Variants in CAB39L observed in about 807,000 individuals in gnomAD.
CAB39L encodes the protein calcium-binding protein 39-like.
Under a neutral mutation model 39.1 loss-of-function variants are expected in CAB39L, and 23 were observed. The observed-to-expected ratio is 0.59, with a 90% CI of 0.42 to 0.83. The LOEUF (loss-of-function observed/expected upper bound fraction) is 0.83. Among genes scored for constraint, CAB39L ranks in the 40% least tolerant of loss-of-function variants. CAB39L has a pLI of 0.00. For synonymous variants in CAB39L, 126 were observed against 137.2 expected (o/e 0.92, Z 0.57); for missense variants, 366 against 391.9 (o/e 0.93, Z 0.56).
chr13:49,351,163 T>G, intron 6 of CAB39L: 2 of 284,792 alleles, frequency 7.0e-6, no homozygotes, highest in Non-Finnish European at 1.3e-5. Flanking sequence ...GGTGGGGGGA[T>G]GAGGCAGAAT....
At chr13:49,416,057 A>G (rs1026578572) in intron 3 of CAB39L, among the ~76,000 whole-genome samples, 2 of 152,168 alleles carry the variant, frequency 1.3e-5, no homozygotes, top group Non-Finnish European at 2.9e-5. Flanking sequence ...TTACTCTGAC[A>G]TGTTCAACTT....
chr13:49,333,566 TTC>T (rs1474934596), intron 9 of CAB39L, among the ~76,000 whole-genome samples: 14 of 136,216 alleles, frequency 1.0e-4, no homozygotes, highest in Non-Finnish European at 3.2e-5. Flanking sequence ...CTTTCTTTCT[TTC>T]TTTTTTTTTT....
chr13:49,315,682 T>C (rs1954135836), intron 10 of CAB39L, among the ~76,000 whole-genome samples: 1 of 151,714 alleles, frequency 6.6e-6, no homozygotes, highest in Non-Finnish European at 1.5e-5. Flanking sequence ...GTCAGGAGTT[T>C]GAGACCAGCC....
intron 10 of CAB39L, among the ~76,000 whole-genome samples, chr13:49,316,924 A>G (rs1352374853): frequency 3.9e-5 from 6 of 152,178 alleles, no homozygotes; most frequent in South Asian, 2.1e-4. Context: ...ATGGAAACAG[A>G]GATGCTTCTA....
intron 9 of CAB39L, among the ~76,000 whole-genome samples, chr13:49,335,498 A>G (rs1240413045): frequency 2.0e-5 from 3 of 152,220 alleles, no homozygotes; most frequent in African/African-American, 7.2e-5. Flanking sequence ...GCTGCATTCC[A>G]GAATAATACA....
rs78567165 is a variant in CAB39L, at chr13:49,415,986, A to G, written c.-32+17332T>C. On this transcript the variant is annotated intron_variant, in intron 3 of 10. Transcript: ENST00000409308. ...ACAGAACTGGAGTTTTTTGGTTTTCATTGTGTTTTTTGTCCTACAAAGCAA... is the reference window on the plus strand; with the variant it reads ...ACAGAACTGGAGTTTTTTGGTTTTCGTTGTGTTTTTTGTCCTACAAAGCAA... Among the ~76,000 whole-genome samples the G allele has an allele frequency of 8.2e-3, 1,254 of 152,238 alleles. 17 individuals carry two copies. Among genetic ancestry groups the G allele is most frequent in the African/African-American group, 0.027 (1,134 of 41,552 alleles).
intron 5 of CAB39L, among the ~76,000 whole-genome samples, chr13:49,361,655 C>G (rs1425349392): frequency 6.6e-6 from 1 of 152,138 alleles, no homozygotes; most frequent in Admixed American, 6.5e-5. Flanking sequence ...CTAACTATCA[C>G]TTCCAATTCC....
At chr13:49,348,292 C>T (rs532845258) in intron 7 of CAB39L, among the ~76,000 whole-genome samples, 254 of 152,306 alleles carry the variant, frequency 1.7e-3, no homozygotes, top group African/African-American at 5.8e-3. Context: ...AGTGGCCGGG[C>T]GCAGTGACTC....
chr13:49,432,359 C>T (rs941983171), intron 3 of CAB39L, among the ~76,000 whole-genome samples: 1 of 152,178 alleles, frequency 6.6e-6, no homozygotes, highest in Non-Finnish European at 1.5e-5. Flanking sequence ...TGGTCTTGAA[C>T]TCCCGGGCTC....
At chr13:49,432,779 C>CAAGT (rs1307432878) in intron 3 of CAB39L, among the ~76,000 whole-genome samples, 4 of 152,180 alleles carry the variant, frequency 2.6e-5, no homozygotes, top group Non-Finnish European at 4.4e-5. Flanking sequence ...GCCCCAAATT[C>CAAGT]AAGTGAATGT....
At chr13:49,409,340 T>A (rs186760719) in intron 3 of CAB39L, among the ~76,000 whole-genome samples, 2 of 152,072 alleles carry the variant, frequency 1.3e-5, no homozygotes, top group Admixed American at 1.3e-4. Flanking sequence ...TTATAAGAGG[T>A]TAGGAATGAG....
intron 3 of CAB39L, among the ~76,000 whole-genome samples, chr13:49,385,788 G>A (rs1956344602): frequency 1.3e-5 from 2 of 152,076 alleles, no homozygotes; most frequent in South Asian, 4.1e-4. Context: ...ATCGATTATG[G>A]GCACAGTCTG....
intron 5 of CAB39L, 78 bp downstream of exon 5, chr13:49,376,889 T>G: frequency 2.2e-6 from 1 of 454,092 alleles, no homozygotes. Context: ...AAAAGTTGAA[T>G]AGTAGATAGA....
At chr13:49,315,305 C>T (rs758490570) in intron 10 of CAB39L, among the ~76,000 whole-genome samples, 3 of 152,064 alleles carry the variant, frequency 2.0e-5, no homozygotes, top group Admixed American at 6.6e-5. Context: ...GTGAGCCCAC[C>T]GCTCAGCCAG....
chr13:49,391,682 G>C (rs913538601), intron 3 of CAB39L, among the ~76,000 whole-genome samples: 1 of 152,166 alleles, frequency 6.6e-6, no homozygotes, highest in African/African-American at 2.4e-5. Context: ...AGATAAACCT[G>C]TTTCTTGAAT....
intron 10 of CAB39L, among the ~76,000 whole-genome samples, chr13:49,318,223 A>T (rs1954221000): frequency 6.6e-6 from 1 of 151,848 alleles, no homozygotes; most frequent in Non-Finnish European, 1.5e-5. Flanking sequence ...ACACTTGGGG[A>T]GGCTAAGGTG....
At chr13:49,405,936 T>C (rs1956867792) in intron 3 of CAB39L, among the ~76,000 whole-genome samples, 1 of 152,112 alleles carries the variant, frequency 6.6e-6, no homozygotes, top group Non-Finnish European at 1.5e-5. Flanking sequence ...CATGTTCTCA[T>C]TCATTTGTGG....
intron 1 of CAB39L, among the ~76,000 whole-genome samples, chr13:49,438,438 C>T (rs1957452950): frequency 6.6e-6 from 1 of 152,146 alleles, no homozygotes; most frequent in African/African-American, 2.4e-5. Context: ...ATTTTCCAAT[C>T]ATTTCTTGGT....
intron 9 of CAB39L, among the ~76,000 whole-genome samples, chr13:49,334,603 C>A (rs1384942460): frequency 6.6e-6 from 1 of 152,190 alleles, no homozygotes; most frequent in Non-Finnish European, 1.5e-5. Flanking sequence ...CCTTGTAGTG[C>A]AGAGTTATTT....
Sources: gnomAD v4.1 joint callset for allele counts (sites outside exome capture counted in the v4.1 genomes callset) on GRCh38, gnomAD v4.1.1 for gene constraint, MANE v1.5 for transcripts, NCBI Gene and HGNC (gene_info 2026-07-23, HGNC 2026-07-21) for gene names.